The following TRPC6 variants were observed in gnomAD, a reference collection of about 807,000 sequenced individuals.
TRPC6 encodes short transient receptor potential channel 6.
TRPC6 carries 55 observed loss-of-function variants against 90.7 expected under a neutral mutation model. The observed-to-expected ratio is 0.61, with a 90% CI of 0.49 to 0.76. The LOEUF (loss-of-function observed/expected upper bound fraction) is 0.76, where lower values mean the gene tolerates loss of function less well. TRPC6 is among the 30% of genes least tolerant of loss of function. The pLI is 0.00. For synonymous variants in TRPC6, 393 were observed against 393.0 expected (o/e 1.00, Z 0.00); for missense variants, 989 against 1,122.7 (o/e 0.88, Z 1.70).
intron 2 of TRPC6, among the ~76,000 whole-genome samples, chr11:101,494,009 T>C (rs992421584): frequency 6.6e-6 from 1 of 152,316 alleles, no homozygotes; most frequent in Admixed American, 6.5e-5. Context: ...AAGCAAATTG[T>C]GTCTTACCTG....
chr11:101,547,193 A>G (rs1028921465), intron 1 of TRPC6, among the ~76,000 whole-genome samples: 1 of 152,158 alleles, frequency 6.6e-6, no homozygotes, highest in Non-Finnish European at 1.5e-5. Context: ...ACTTTTCTAC[A>G]TGTGTATTGT....
chr11:101,504,647 A>G lies in TRPC6; in HGVS notation c.322T>C (p.Tyr108His). 6.2e-7 allele frequency: 1 copy of G among 1,608,512 alleles called. No individual in the cohort carries two copies. Among genetic ancestry groups the G allele is most frequent in the Non-Finnish European group, 8.5e-7 (1 of 1,176,174 alleles). ...EEERFLDAAEYGNIPVVRKML... is the reference protein window; with the variant it reads ...EEERFLDAAEHGNIPVVRKML... ...TTCCGCACCACTGGGATGTTACCAT[A>G]TTCAGCTGCATCCAAAAAGCGTTCC... Residue 108 changes from tyrosine to histidine, a missense_variant, in exon 2 of 13, where the codon TAT becomes CAT. By Grantham distance (83) the Tyr-to-His change is moderately conservative (BLOSUM62 2). This residue lies in a region of TRPC6 where 486 missense variants were observed against 591.9 expected (regional missense o/e 0.82). Transcript: ENST00000344327.
chr11:101,497,904 G>A (rs974720708), intron 2 of TRPC6, among the ~76,000 whole-genome samples: 2 of 151,974 alleles, frequency 1.3e-5, no homozygotes, highest in African/African-American at 4.8e-5. Flanking sequence ...CAAAAGAGGG[G>A]ATTTTTAAGA....
intron 2 of TRPC6, among the ~76,000 whole-genome samples, chr11:101,499,597 C>CATG (rs1565218434): frequency 0.076 from 3,337 of 43,880 alleles, 557 homozygotes; most frequent in African/African-American, 0.097. Context: ...TATATATATA[C>CATG]GTATATATGG....
At chr11:101,518,651 A>C (rs1860577677) in intron 1 of TRPC6, among the ~76,000 whole-genome samples, 1 of 152,316 alleles carries the variant, frequency 6.6e-6, no homozygotes, top group Admixed American at 6.5e-5. Context: ...AAAACTAAAA[A>C]TTGAGCTGCC....
intron 1 of TRPC6, among the ~76,000 whole-genome samples, chr11:101,539,173 A>G (rs1019076955): frequency 6.6e-6 from 1 of 152,178 alleles, no homozygotes; most frequent in Admixed American, 6.5e-5. Flanking sequence ...ATCACGCTCA[A>G]TTTTGACTCC....
At chr11:101,569,036 A>G (rs546217140) in intron 1 of TRPC6, among the ~76,000 whole-genome samples, 1 of 152,356 alleles carries the variant, frequency 6.6e-6, no homozygotes, top group Admixed American at 6.5e-5. Flanking sequence ...TAAACAGGCT[A>G]AATGCCCCAA....
chr11:101,469,361 G>A, intron 10 of TRPC6, 66 bp downstream of exon 10: 1 of 719,930 alleles, frequency 1.4e-6, no homozygotes, highest in South Asian at 1.5e-5. Context: ...CTGAACATCT[G>A]TCCCTTTCTT....
chr11:101,517,724 A>C (rs1476041544), intron 1 of TRPC6, among the ~76,000 whole-genome samples: 1 of 152,178 alleles, frequency 6.6e-6, no homozygotes, highest in East Asian at 1.9e-4. Context: ...AAAAATTATT[A>C]ATTATATAGT....
intron 4 of TRPC6, among the ~76,000 whole-genome samples, chr11:101,484,854 A>C (rs987045867): frequency 6.6e-6 from 1 of 152,060 alleles, no homozygotes; most frequent in African/African-American, 2.4e-5. Flanking sequence ...TACACTTTTA[A>C]ATTGACATAT....
In TRPC6 at chr11:101,504,375, C is replaced by G; in HGVS notation, c.594G>C (p.Gln198His). 1 of 1,614,136 alleles carries G rather than the reference C, an allele frequency of 6.2e-7. No individual in the cohort carries two copies. Among genetic ancestry groups the G allele is most frequent in the South Asian group, 1.1e-5 (1 of 91,084 alleles). The change falls in exon 2 of 13, where the codon CAG (glutamine) becomes CAC (histidine). Residue 198 changes from glutamine to histidine, a missense_variant. Gln to His is a conservative substitution (Grantham distance 24). This residue lies in a region of TRPC6 where 486 missense variants were observed against 591.9 expected (regional missense o/e 0.82). Coordinates refer to ENST00000344327, the MANE Select transcript of TRPC6 (RefSeq NM_004621.6). ...EGKRLATSPS[Q>H]SELQQDDFYA... ...AAAAATCATCTTGCTGGAGTTCAGA[C>G]TGGCTAGGGCTGGTTGCTAACCTCT...
intron 1 of TRPC6, among the ~76,000 whole-genome samples, chr11:101,509,274 T>C (rs911301331): frequency 6.6e-6 from 1 of 151,664 alleles, no homozygotes; most frequent in African/African-American, 2.4e-5. Flanking sequence ...AATTTTTGTA[T>C]TTTTTTTATA....
chr11:101,544,502 T>G (rs1368566595), intron 1 of TRPC6, among the ~76,000 whole-genome samples: 5 of 152,176 alleles, frequency 3.3e-5, no homozygotes, highest in African/African-American at 9.7e-5. Context: ...AATGATATAC[T>G]TGATAAAGAA....
intron 10 of TRPC6, among the ~76,000 whole-genome samples, chr11:101,458,007 C>T (rs1185747930): frequency 6.6e-6 from 1 of 152,142 alleles, no homozygotes; most frequent in Admixed American, 6.5e-5. Context: ...CTTAATACAC[C>T]TAACTACTGA....
chr11:101,466,004 T>C (rs1435727256), intron 10 of TRPC6, among the ~76,000 whole-genome samples: 2 of 152,350 alleles, frequency 1.3e-5, no homozygotes, highest in Admixed American at 6.5e-5. Context: ...GGACGTGCTA[T>C]TCCTTTGTTA....
chr11:101,571,650 T>C (rs900164741), intron 1 of TRPC6, among the ~76,000 whole-genome samples: 30 of 152,280 alleles, frequency 2.0e-4, no homozygotes, highest in African/African-American at 6.3e-4. Flanking sequence ...CAAAACAGCA[T>C]GGTACTGGTA....
At chr11:101,544,519 G>A (rs1861251509) in intron 1 of TRPC6, among the ~76,000 whole-genome samples, 2 of 152,078 alleles carry the variant, frequency 1.3e-5, no homozygotes, top group Admixed American at 1.3e-4. Context: ...AGAAATTGTG[G>A]CTCATATACA....
intron 1 of TRPC6, among the ~76,000 whole-genome samples, chr11:101,559,671 A>G (rs918915228): frequency 1.3e-5 from 2 of 151,364 alleles, no homozygotes; most frequent in Non-Finnish European, 2.9e-5. Flanking sequence ...TTTAGGGTAC[A>G]TGTGCACAAC....
At chr11:101,457,820 A>C (rs921479002) in intron 10 of TRPC6, among the ~76,000 whole-genome samples, 1 of 152,200 alleles carries the variant, frequency 6.6e-6, no homozygotes, top group Non-Finnish European at 1.5e-5. Context: ...TAGAGAATAT[A>C]TAGTTTGAAA....
Sources: gnomAD v4.1 joint callset for allele counts (sites outside exome capture counted in the v4.1 genomes callset) on GRCh38, gnomAD v4.1.1 for gene constraint, gnomAD v4.1.1 regional missense constraint, MANE v1.5 for transcripts, NCBI Gene and HGNC (gene_info 2026-07-23, HGNC 2026-07-21) for gene names.